The following PPARGC1A variants were observed in gnomAD, a reference collection of about 807,000 sequenced individuals.
The protein encoded by PPARGC1A is peroxisome proliferator-activated receptor gamma coactivator 1-alpha.
In PPARGC1A, 25 loss-of-function variants were observed where a neutral mutation model predicts 88.7. The ratio of observed to expected loss-of-function variants is 0.28; its 90% CI spans 0.21 to 0.39. The LOEUF is 0.39. Among genes scored for constraint, PPARGC1A ranks in the 10% least tolerant of loss-of-function variants. The probability of loss-of-function intolerance (pLI) is 1.00; values close to 1 mark genes in which losing one functional copy is unlikely to be tolerated. For missense variants in PPARGC1A, 880 were observed against 968.7 expected (o/e 0.91, Z 1.22); for synonymous variants, 363 against 355.6 (o/e 1.02, Z -0.24).
the PPARGC1A span, among the ~76,000 whole-genome samples, chr4:23,986,689 A>G: frequency 6.6e-6 from 1 of 152,226 alleles, no homozygotes; most frequent in African/African-American, 2.4e-5. Flanking sequence ...TGAGGCTGAG[A>G]AAAGTCAAAT....
At chr4:24,120,929 G>T in the PPARGC1A span, among the ~76,000 whole-genome samples, 1 of 152,328 alleles carries the variant, frequency 6.6e-6, no homozygotes, top group Non-Finnish European at 1.5e-5. Context: ...ATAACAGCCT[G>T]TGGACTAAGA....
At chr4:23,993,965 A>G in the PPARGC1A span, among the ~76,000 whole-genome samples, 1 of 152,148 alleles carries the variant, frequency 6.6e-6, no homozygotes, top group African/African-American at 2.4e-5. Flanking sequence ...AGGGACTTCA[A>G]TATTAAAAAG....
chr4:23,913,193 G>T, the PPARGC1A span, among the ~76,000 whole-genome samples: 1 of 129,684 alleles, frequency 7.7e-6, no homozygotes, highest in Admixed American at 8.6e-5. Flanking sequence ...TATTATATAT[G>T]ATATATATAG....
At chr4:23,967,350 G>C in the PPARGC1A span, among the ~76,000 whole-genome samples, 6 of 152,070 alleles carry the variant, frequency 3.9e-5, no homozygotes, top group Non-Finnish European at 7.4e-5. Context: ...AAATGATTCT[G>C]GGAACTACTT....
At chr4:24,063,509 C>T in the PPARGC1A span, among the ~76,000 whole-genome samples, 1 of 152,292 alleles carries the variant, frequency 6.6e-6, no homozygotes, top group Non-Finnish European at 1.5e-5. Flanking sequence ...CACCCAATCT[C>T]AAGTTCCTCA....
chr4:24,159,958 C>T, the PPARGC1A span, among the ~76,000 whole-genome samples: 2 of 152,238 alleles, frequency 1.3e-5, no homozygotes, highest in Non-Finnish European at 2.9e-5. Context: ...GCCAAATTAA[C>T]TCTCTGCCTA....
chr4:24,362,329 A>G, the PPARGC1A span, among the ~76,000 whole-genome samples: 2 of 151,522 alleles, frequency 1.3e-5, no homozygotes, highest in Admixed American at 1.3e-4. Flanking sequence ...GCAATCAAAT[A>G]TGAGCTTCTT....
At chr4:23,839,341 G>A (rs973284584) in intron 2 of PPARGC1A, among the ~76,000 whole-genome samples, 15 of 152,256 alleles carry the variant, frequency 9.9e-5, no homozygotes, top group South Asian at 4.1e-4. Flanking sequence ...AAAAAGGTTC[G>A]GGGAGGTTGT....
At chr4:24,404,220 G>A in the PPARGC1A span, among the ~76,000 whole-genome samples, 1 of 151,984 alleles carries the variant, frequency 6.6e-6, no homozygotes, top group Admixed American at 6.5e-5. Context: ...CCGAGATCGC[G>A]CCACCGCACT....
the PPARGC1A span, among the ~76,000 whole-genome samples, chr4:24,337,631 G>A: frequency 6.7e-6 from 1 of 149,552 alleles, no homozygotes; most frequent in Non-Finnish European, 1.5e-5. Flanking sequence ...GTACTTACAA[G>A]CATTGCCTCA....
At chr4:24,288,817 T>C in the PPARGC1A span, among the ~76,000 whole-genome samples, 3 of 152,148 alleles carry the variant, frequency 2.0e-5, no homozygotes, top group Non-Finnish European at 4.4e-5. Context: ...GTAAGTTCCA[T>C]TTGATGGATG....
chr4:24,296,885 C>A, the PPARGC1A span, among the ~76,000 whole-genome samples: 1 of 152,100 alleles, frequency 6.6e-6, no homozygotes, highest in East Asian at 1.9e-4. Context: ...GTCTTACTGC[C>A]AAGTATATCT....
the PPARGC1A span, among the ~76,000 whole-genome samples, chr4:24,355,840 C>T: frequency 6.6e-6 from 1 of 152,126 alleles, no homozygotes; most frequent in East Asian, 1.9e-4. Context: ...CAATTTAAAA[C>T]AGGTTAGCTG....
At chr4:24,116,040 A>T in the PPARGC1A span, among the ~76,000 whole-genome samples, 3 of 152,158 alleles carry the variant, frequency 2.0e-5, no homozygotes, top group Admixed American at 1.3e-4. Flanking sequence ...GAGAGAAAAG[A>T]CCTTATGCAG....
the PPARGC1A span, among the ~76,000 whole-genome samples, chr4:24,344,363 C>T: frequency 2.0e-5 from 3 of 152,104 alleles, no homozygotes; most frequent in Admixed American, 1.3e-4. Flanking sequence ...TACATTCCCA[C>T]CGGAAGTGTA....
chr4:24,127,017 C>A, the PPARGC1A span, among the ~76,000 whole-genome samples: 1 of 152,166 alleles, frequency 6.6e-6, no homozygotes, highest in Non-Finnish European at 1.5e-5. Context: ...CGTGGGTCAG[C>A]AGCCACTATG....
At chr4:23,984,886 A>G in the PPARGC1A span, among the ~76,000 whole-genome samples, 1 of 152,070 alleles carries the variant, frequency 6.6e-6, no homozygotes, top group East Asian at 1.9e-4. Flanking sequence ...GTCAGACAGG[A>G]TGTAGAGAGC....
At chr4:24,453,976 C>T in the PPARGC1A span, among the ~76,000 whole-genome samples, 1 of 151,976 alleles carries the variant, frequency 6.6e-6, no homozygotes, top group Non-Finnish European at 1.5e-5. Context: ...AGAAGTGATG[C>T]TTTATTAGTA....
the PPARGC1A span, among the ~76,000 whole-genome samples, chr4:24,461,464 A>C: frequency 1.3e-5 from 2 of 152,300 alleles, no homozygotes; most frequent in South Asian, 4.1e-4. Flanking sequence ...GAAGGGAAAA[A>C]GAGAGAGAAA....
Sources: gnomAD v4.1 joint callset for allele counts (sites outside exome capture counted in the v4.1 genomes callset) on GRCh38, gnomAD v4.1.1 for gene constraint, MANE v1.5 for transcripts, NCBI Gene and HGNC (gene_info 2026-07-23, HGNC 2026-07-21) for gene names.